Variants in SLC44A3 observed in about 807,000 individuals in gnomAD.
SLC44A3 encodes the protein solute carrier family 44 member 3.
In SLC44A3, 74 loss-of-function variants were observed where a neutral mutation model predicts 75.4. That is an observed-to-expected ratio of 0.98 (90% confidence interval 0.81 to 1.19). The LOEUF is 1.19. SLC44A3 is among the 50% of genes most tolerant of loss of function. SLC44A3 has a pLI of 0.00. For synonymous variants in SLC44A3, 310 were observed against 296.9 expected (o/e 1.04, Z -0.45); for missense variants, 700 against 778.6 (o/e 0.90, Z 1.20).
Position 94,891,113 on chromosome 1 carries a change from ATTCTC to A in SLC44A3, c.1483-12_1483-8del, listed in dbSNP as rs769348730. ...TGTTATAAGAATTATCTTTTAAACA[ATTCTC>A]TTCTGTTTCAGAATGCATATACTAC... is the stretch of plus-strand genomic sequence containing the variant. On this transcript the variant is annotated splice_polypyrimidine_tract_variant and intron_variant, in intron 12 of 14. Transcript: ENST00000271227. The A allele has an allele frequency of 5.7e-6, 9 of 1,586,228 alleles. No homozygotes were observed. Among genetic ancestry groups the A allele is most frequent in the Non-Finnish European group, 5.1e-6 (6 of 1,167,800 alleles).
At chr1:94,862,281 C>A (rs1666665199) in intron 10 of SLC44A3, among the ~76,000 whole-genome samples, 1 of 152,228 alleles carries the variant, frequency 6.6e-6, no homozygotes, top group Non-Finnish European at 1.5e-5. Flanking sequence ...ATGCAGCCCA[C>A]ACCTAGTCCA....
At chr1:94,855,256 G>A (rs1665739924) in intron 9 of SLC44A3, 1 of 152,216 alleles carries the variant, frequency 6.6e-6, no homozygotes, top group Admixed American at 6.5e-5. Flanking sequence ...TTGTCTGTCT[G>A]AAGAAATCAT....
intron 5 of SLC44A3, among the ~76,000 whole-genome samples, chr1:94,833,182 G>A (rs1456842867): frequency 5.3e-5 from 8 of 152,094 alleles, no homozygotes; most frequent in African/African-American, 1.2e-4. Context: ...AGGGGCTGGT[G>A]CAGCAAAAGT....
intron 12 of SLC44A3, among the ~76,000 whole-genome samples, chr1:94,878,004 GC>G (rs1354594633): frequency 6.6e-6 from 1 of 152,154 alleles, no homozygotes; most frequent in East Asian, 1.9e-4. Context: ...GGAGGCCAAG[GC>G]GGGTGGATCA....
At chr1:94,849,265 G>T (rs1009506211) in intron 9 of SLC44A3, among the ~76,000 whole-genome samples, 1 of 152,174 alleles carries the variant, frequency 6.6e-6, no homozygotes. Flanking sequence ...AAAGGAAACT[G>T]GGTGCCCCGG....
chr1:94,827,589 C>T lies in SLC44A3; in HGVS notation c.361C>T (p.Pro121Ser). Residue 121 changes from proline (P) to serine (S), a missense_variant, in exon 4 of 15, where the codon CCT becomes TCT. Pro to Ser is a moderately conservative substitution (Grantham distance 74). Transcript: ENST00000271227. ...CATGGCCCTCTGTGTATCCAACTGC[C>T]CTGAAGAGCAGCTTGACTCCCTGGA... Reference protein sequence around the residue: ...NRMALCVSNCPEEQLDSLEEV... With the variant: ...NRMALCVSNCSEEQLDSLEEV... 6.2e-7 allele frequency: 1 copy of T among 1,614,116 alleles called. No homozygotes were observed. The highest frequency in any genetic ancestry group is 1.1e-5 in the South Asian group (1 of 91,064).
At chr1:94,885,826 T>A (rs910886298) in intron 12 of SLC44A3, among the ~76,000 whole-genome samples, 1 of 152,218 alleles carries the variant, frequency 6.6e-6, no homozygotes, top group African/African-American at 2.4e-5. Flanking sequence ...GCAAGATTAA[T>A]GCCATTATTA....
chr1:94,823,717 G>A (rs777323902), intron 2 of SLC44A3, among the ~76,000 whole-genome samples: 1 of 152,098 alleles, frequency 6.6e-6, no homozygotes, highest in African/African-American at 2.4e-5. Context: ...TGTTCTCCTG[G>A]AATGAACTTG....
chr1:94,887,688 T>TG, intron 12 of SLC44A3, among the ~76,000 whole-genome samples: 1 of 152,106 alleles, frequency 6.6e-6, no homozygotes, highest in African/African-American at 2.4e-5. Flanking sequence ...TGCTTCCCCA[T>TG]GGGAAGCAAG....
intron 1 of SLC44A3, chr1:94,820,745 G>T (rs1001686676): frequency 2.2e-5 from 31 of 1,393,994 alleles, no homozygotes; most frequent in Middle Eastern, 2.7e-4. Context: ...GCGGCAGGGG[G>T]CTTAACATCC....
chr1:94,870,326 T>G (rs1417145175), intron 12 of SLC44A3, among the ~76,000 whole-genome samples: 2 of 152,216 alleles, frequency 1.3e-5, no homozygotes, highest in Admixed American at 6.5e-5. Flanking sequence ...TACTGTATAG[T>G]GCAAAAGGCA....
intron 12 of SLC44A3, among the ~76,000 whole-genome samples, chr1:94,883,921 CTG>C (rs1341048858): frequency 6.6e-6 from 1 of 152,092 alleles, no homozygotes; most frequent in Non-Finnish European, 1.5e-5. Context: ...CTTTCTTCCT[CTG>C]TGTATATTCA....
At chr1:94,876,298 A>G (rs1668276722) in intron 12 of SLC44A3, among the ~76,000 whole-genome samples, 1 of 152,150 alleles carries the variant, frequency 6.6e-6, no homozygotes, top group Non-Finnish European at 1.5e-5. Context: ...ATAAAATGAA[A>G]CCATTAAATA....
At chr1:94,876,975 C>T (rs920147814) in intron 12 of SLC44A3, among the ~76,000 whole-genome samples, 2 of 152,054 alleles carry the variant, frequency 1.3e-5, no homozygotes, top group South Asian at 2.1e-4. Context: ...CCTATGGTCA[C>T]CTATGGTCCT....
intron 9 of SLC44A3, among the ~76,000 whole-genome samples, chr1:94,851,516 C>G (rs565439202): frequency 6.6e-6 from 1 of 152,186 alleles, no homozygotes; most frequent in Admixed American, 6.5e-5. Flanking sequence ...CAGGACCATG[C>G]CTTTTTCTTT....
chr1:94,893,051 G>A (rs1432033687), intron 14 of SLC44A3, among the ~76,000 whole-genome samples: 3 of 152,244 alleles, frequency 2.0e-5, no homozygotes, highest in South Asian at 4.2e-4. Flanking sequence ...TCAGCGGAGC[G>A]CCCATACTGC....
intron 9 of SLC44A3, 119 bp downstream of exon 9, chr1:94,845,583 A>G (rs1359664185): frequency 1.9e-5 from 17 of 916,698 alleles, no homozygotes; most frequent in Non-Finnish European, 2.6e-5. Flanking sequence ...GTGTCTGATG[A>G]CAGCAGCGTT....
chr1:94,839,796 A>G (rs1447081770), intron 6 of SLC44A3, 152 bp from the exon 7 acceptor site: 8 of 647,046 alleles, frequency 1.2e-5, no homozygotes, highest in Non-Finnish European at 2.8e-6. Flanking sequence ...TGTTATTTTT[A>G]TTTAGTGTTT....
chr1:94,863,435 A>G (rs970399998), intron 10 of SLC44A3, among the ~76,000 whole-genome samples: 2 of 152,166 alleles, frequency 1.3e-5, no homozygotes, highest in African/African-American at 4.8e-5. Context: ...TACCAGATGG[A>G]AAGCAGGTGT....
Sources: gnomAD v4.1 joint callset for allele counts (sites outside exome capture counted in the v4.1 genomes callset) on GRCh38, gnomAD v4.1.1 for gene constraint, MANE v1.5 for transcripts, NCBI Gene and HGNC (gene_info 2026-07-23, HGNC 2026-07-21) for gene names.